OPA3: variants seen among roughly 807,000 people sequenced by gnomAD.
The protein encoded by OPA3 is outer mitochondrial membrane lipid metabolism regulator OPA3.
A neutral mutation model predicts 4.0 loss-of-function variants in OPA3; 6 were observed. The ratio of observed to expected loss-of-function variants is 1.51; its 90% CI spans 0.83 to 2.99. OPA3 has a LOEUF of 2.99. Among genes scored for constraint, OPA3 ranks in the 30% most tolerant of loss-of-function variants. The pLI, the probability that OPA3 is intolerant of heterozygous loss-of-function variation, is 0.00. For synonymous variants in OPA3, 105 were observed against 117.1 expected (o/e 0.90, Z 0.67); for missense variants, 235 against 256.2 (o/e 0.92, Z 0.56).
chr19:45,545,223 T>G (rs1254595004), downstream of OPA3, among the ~76,000 whole-genome samples: 1 of 145,550 alleles, frequency 6.9e-6, no homozygotes, highest in African/African-American at 2.5e-5. Context: ...AGGATAGGCC[T>G]CTACTTCAAA....
chr19:45,540,356 C>T (rs1969170737), intron 1 of OPA3, among the ~76,000 whole-genome samples: 1 of 151,160 alleles, frequency 6.6e-6, no homozygotes, highest in South Asian at 2.1e-4. Flanking sequence ...TAAAATAAAA[C>T]AAAGGGTGAG....
chr19:45,558,595 G>C (rs1021164190), intron 1 of OPA3, among the ~76,000 whole-genome samples: 1 of 152,008 alleles, frequency 6.6e-6, no homozygotes, highest in Non-Finnish European at 1.5e-5. Context: ...CTACGCCATC[G>C]TTACCTACTC....
chr19:45,568,518 A>T (rs1027274220), intron 1 of OPA3, among the ~76,000 whole-genome samples: 4 of 152,102 alleles, frequency 2.6e-5, no homozygotes, highest in Non-Finnish European at 4.4e-5. Flanking sequence ...AGCTTGCCCT[A>T]ACAGTGCTCC....
At chr19:45,538,445 C>T (rs554058657) in intron 1 of OPA3, among the ~76,000 whole-genome samples, 31 of 152,228 alleles carry the variant, frequency 2.0e-4, no homozygotes, top group African/African-American at 6.5e-4. Context: ...TGAGGCCAGG[C>T]ACGGTGTCTT....
Position 45,548,559 on chromosome 19 carries a change from C to T in OPA3, c.*4955G>A, listed in dbSNP as rs182678907. The T allele has an allele frequency of 2.1e-4, 203 of 985,412 alleles. 1 individual carries two copies. The South Asian group carries it at 2.3e-3, about 11-fold the overall frequency. 61.0% of individuals were successfully genotyped at this position (985,412 alleles called of 1,614,324 possible). A position where few individuals can be genotyped will look rare whatever the true frequency, so the allele number is the denominator to read the frequency against. ...TGTACGTGTGAGCATCTGTAAGACCCGGTGACGGCAGGGCTGGGGCTGTCT... is the reference window on the plus strand; with the variant it reads ...TGTACGTGTGAGCATCTGTAAGACCTGGTGACGGCAGGGCTGGGGCTGTCT... On this transcript the variant is annotated 3_prime_UTR_variant, in exon 2 of 2. Coordinates refer to ENST00000263275, the MANE Select transcript of OPA3 (RefSeq NM_025136.4).
downstream of OPA3, among the ~76,000 whole-genome samples, chr19:45,542,736 C>T (rs566897878): frequency 1.9e-4 from 27 of 145,196 alleles, no homozygotes; most frequent in South Asian, 1.1e-3. Flanking sequence ...GGCAGTGGTG[C>T]GATCCTGGCT....
At chr19:45,566,700 T>C (rs1969588508) in intron 1 of OPA3, among the ~76,000 whole-genome samples, 1 of 151,938 alleles carries the variant, frequency 6.6e-6, no homozygotes, top group Non-Finnish European at 1.5e-5. Context: ...GGTCTCAATC[T>C]CCTGACCTTG....
chr19:45,555,187 G>A (rs1371525015), intron 1 of OPA3, among the ~76,000 whole-genome samples: 3 of 152,088 alleles, frequency 2.0e-5, no homozygotes, highest in Non-Finnish European at 4.4e-5. Flanking sequence ...ATGGTCACAG[G>A]AAATTAACAT....
At position 45,561,649 on chromosome 19, in the gene OPA3, A is replaced by G. The variant is rs550951509; in HGVS notation, c.143-7738T>C. ...GAAAAACATCAAATCCTTATCTTTC[A>G]TACAAGGAAGTTGGCTGATAATAAA... On this transcript the variant is annotated intron_variant, in intron 1 of 1. Coordinates refer to ENST00000263275, the MANE Select transcript of OPA3 (RefSeq NM_025136.4). Among the ~76,000 whole-genome samples, 5 of 152,302 alleles carry G rather than the reference A, an allele frequency of 3.3e-5. No individual in the cohort carries two copies. The South Asian group carries it at 1.0e-3, about 32-fold the overall frequency.
chr19:45,536,510 T>C (rs1400739295), intron 1 of OPA3, among the ~76,000 whole-genome samples: 1 of 147,708 alleles, frequency 6.8e-6, no homozygotes, highest in Non-Finnish European at 1.5e-5. Flanking sequence ...ATCGTGCCAC[T>C]GCACTCCACT....
chr19:45,532,930 C>T (rs552492099), intron 1 of OPA3, among the ~76,000 whole-genome samples: 7 of 152,064 alleles, frequency 4.6e-5, no homozygotes, highest in African/African-American at 1.7e-4. Flanking sequence ...TTGCTCTTCT[C>T]CCCCAGGCTG....
chr19:45,553,653 T>TCCAGCG lies in OPA3; in HGVS notation c.395_400dup (p.Ala132_Leu133dup), dbSNP rs748815011. 2.8e-5 allele frequency: 45 copies of TCCAGCG among 1,605,234 alleles called. No homozygotes were observed. The highest frequency in any genetic ancestry group is 1.6e-4 in the South Asian group (15 of 90,942). On this transcript the variant is annotated inframe_insertion, in exon 2 of 2. Transcript: ENST00000263275. ...CGCCTGCACCTGCGCCTGCAGCGCT[T>TCCAGCG]CCAGCGCCAGCGCCAGGTGGCCCAC...
At chr19:45,555,782 T>G (rs1437104145) in intron 1 of OPA3, among the ~76,000 whole-genome samples, 3 of 152,136 alleles carry the variant, frequency 2.0e-5, no homozygotes, top group Non-Finnish European at 2.9e-5. Context: ...TGAGCCACCG[T>G]GCCTAGTCAT....
chr19:45,555,012 G>C (rs184865054), intron 1 of OPA3, among the ~76,000 whole-genome samples: 63 of 152,176 alleles, frequency 4.1e-4, no homozygotes, highest in African/African-American at 1.5e-3. Context: ...GGCTGGTCTC[G>C]ATCATCTGAC....
exon 2 of OPA3, chr19:45,529,180 A>ACCTGCG (rs1192277296): frequency 2.5e-6 from 4 of 1,610,150 alleles, no homozygotes; most frequent in Non-Finnish European, 3.4e-6. Context: ...CGTCGCCTGC[A>ACCTGCG]CCTGCGCCTG....
chr19:45,545,729 T>G (rs1969241782), downstream of OPA3, among the ~76,000 whole-genome samples: 1 of 149,268 alleles, frequency 6.7e-6, no homozygotes, highest in Admixed American at 6.7e-5. Context: ...TTTTTTTTTT[T>G]TGAGATGGAG....
At chr19:45,584,515 G>T in intron 1 of OPA3, 108 bp downstream of exon 1, 3 of 1,506,324 alleles carry the variant, frequency 2.0e-6, no homozygotes, top group Non-Finnish European at 9.0e-7. Context: ...ACTGGACTTT[G>T]CCGGTTCGGG....
At chr19:45,583,035 C>G (rs138787787) in intron 1 of OPA3, among the ~76,000 whole-genome samples, 2 of 152,192 alleles carry the variant, frequency 1.3e-5, no homozygotes, top group Admixed American at 1.3e-4. Context: ...AGTAAGTTAA[C>G]TTAGATCTCT....
At chr19:45,536,057 T>A (rs1360632882) in intron 1 of OPA3, among the ~76,000 whole-genome samples, 1 of 150,752 alleles carries the variant, frequency 6.6e-6, no homozygotes, top group East Asian at 2.0e-4. Flanking sequence ...TGAAACCCTG[T>A]CTCTACTGAA....
Sources: allele counts gnomAD v4.1 joint callset (sites outside exome capture counted in the v4.1 genomes callset), GRCh38; gene constraint gnomAD v4.1.1; transcripts MANE v1.5; gene names NCBI Gene and HGNC (gene_info 2026-07-23, HGNC 2026-07-21).